Variants in COL1A2 observed in about 807,000 individuals in gnomAD.
The protein encoded by COL1A2 is collagen alpha-2(I) chain.
COL1A2 carries 49 observed loss-of-function variants against 174.3 expected under a neutral mutation model. The ratio of observed to expected loss-of-function variants is 0.28; its 90% CI spans 0.22 to 0.36. The LOEUF (loss-of-function observed/expected upper bound fraction) is 0.36. COL1A2 is among the 10% of genes least tolerant of loss of function. The pLI, the probability that COL1A2 is intolerant of heterozygous loss-of-function variation, is 1.00. For missense variants in COL1A2, 1,438 were observed against 1,822.7 expected (o/e 0.79, Z 3.84); for synonymous variants, 655 against 606.6 (o/e 1.08, Z -1.17).
chr7:94,406,440 C>T, intron 12 of COL1A2, 137 bp downstream of exon 12: 1 of 752,142 alleles, frequency 1.3e-6, no homozygotes, highest in South Asian at 1.6e-5. Context: ...TACTTCAAAT[C>T]CCTCAAGGAT....
At chr7:94,404,470 C>T in intron 6 of COL1A2, 86 bp from the exon 7 acceptor site, 1 of 1,354,714 alleles carries the variant, frequency 7.4e-7, no homozygotes, top group Non-Finnish European at 1.1e-6. Context: ...ACAACAATGG[C>T]ACTGCTAAGT....
intron 10 of COL1A2, 86 bp downstream of exon 10, chr7:94,405,338 A>ATT: frequency 1.6e-6 from 2 of 1,290,004 alleles, no homozygotes; most frequent in Non-Finnish European, 2.2e-6. Context: ...AAATGACAAC[A>ATT]TAGATGTCAC....
At chr7:94,404,364 T>C (rs1047246295) in intron 6 of COL1A2, among the ~76,000 whole-genome samples, 192 bp from the exon 7 acceptor site, 2 of 152,100 alleles carry the variant, frequency 1.3e-5, no homozygotes, top group African/African-American at 4.8e-5. Flanking sequence ...TTGATAAGGA[T>C]TGGGAGAAAA....
chr7:94,413,612 GTAATACCTGAGGCT>G, intron 26 of COL1A2, 64 bp from the exon 27 acceptor site: 6 of 1,372,598 alleles, frequency 4.4e-6, no homozygotes, highest in Non-Finnish European at 6.2e-6. Flanking sequence ...TTTTAAGGAA[GTAATACCTGAGGCT>G]TTGAGACATC....
rs535142482 is a variant in COL1A2, at chr7:94,428,439, C to T, written c.3673C>T (p.His1225Tyr). 1.6e-5 allele frequency: 26 copies of T among 1,614,094 alleles called. 1 individual carries two copies. In the South Asian group the frequency reaches 2.6e-4, roughly 16 times the overall value. ...NWYRSSKDKK[H>Y]VWLGETINAG... The stretch of plus-strand genomic sequence containing the variant: ...GTATAGGAGCTCCAAGGACAAGAAA[C>T]ACGTCTGGCTAGGAGAAACTATCAA... Residue 1225 changes from histidine to tyrosine, a missense_variant, in exon 50 of 52, where the codon CAC (histidine) becomes TAC (tyrosine). Coordinates refer to ENST00000297268, the MANE Select transcript of COL1A2 (RefSeq NM_000089.4).
intron 40 of COL1A2, 38 bp from the exon 41 acceptor site, chr7:94,424,298 G>GGTTA: frequency 6.4e-7 from 1 of 1,557,930 alleles, no homozygotes; most frequent in Non-Finnish European, 8.9e-7. Flanking sequence ...ATCACCTAGG[G>GGTTA]TCTTACCCAT....
intron 30 of COL1A2, 76 bp downstream of exon 30, chr7:94,415,346 C>G: frequency 8.2e-7 from 1 of 1,219,834 alleles, no homozygotes; most frequent in Non-Finnish European, 1.2e-6. Context: ...TCCTTAAAGC[C>G]ACTGATGACC....
intron 36 of COL1A2, 47 bp downstream of exon 36, chr7:94,420,491 G>GGAGTA: frequency 6.2e-7 from 1 of 1,614,026 alleles, no homozygotes; most frequent in Non-Finnish European, 8.5e-7. Context: ...CCTAAGTTGG[G>GGAGTA]GAGTAGAGTG....
rs1725653924 is a variant in COL1A2, at chr7:94,429,374, C to T, written c.3898C>T (p.Leu1300Phe). 1 of 1,613,930 alleles carries T rather than the reference C, an allele frequency of 6.2e-7. No homozygotes were observed. The highest frequency in any genetic ancestry group is 8.5e-7 in the Non-Finnish European group (1 of 1,179,902). ...TCTACAGGGCTCTAATGATGTTGAA[C>T]TTGTTGCTGAGGGCAACAGCAGGTT... ...VILQGSNDVE[L>F]VAEGNSRFTY... The change falls in exon 51 of 52, where the codon CTT becomes TTT. Residue 1300 changes from leucine (L) to phenylalanine (F), a missense_variant. By Grantham distance (22) the Leu-to-Phe change is conservative. Around this residue, in one of 3 missense-constraint regions of COL1A2, gnomAD observed 290 missense variants for 298.1 expected, o/e 0.97. Transcript: ENST00000297268.
rs754801224 is a variant in COL1A2, at chr7:94,419,511, C to T, written c.2039C>T (p.Ala680Val). Residue 680 changes from alanine to valine, a missense_variant, in exon 34 of 52, where the codon GCT becomes GTT. By Grantham distance (64) the Ala-to-Val change is moderately conservative. Around this residue, in one of 3 missense-constraint regions of COL1A2, gnomAD observed 867 missense variants for 1,213.7 expected, o/e 0.71. Coordinates refer to ENST00000297268, the MANE Select transcript of COL1A2 (RefSeq NM_000089.4). ...TTTTGGTACTAGGGTGCTCCTGGTG[C>T]TGTAGGTGCCCCTGGTCCTGCTGGA... is the stretch of plus-strand genomic sequence containing the variant. ...GRDGARGAPG[A>V]VGAPGPAGAT... 1.9e-5 allele frequency: 30 copies of T among 1,614,100 alleles called. 1 individual carries two copies. The South Asian group carries it at 3.1e-4, about 17-fold the overall frequency.
At chr7:94,423,921 C>A in intron 40 of COL1A2, 1 of 242,334 alleles carries the variant, frequency 4.1e-6, no homozygotes, top group Non-Finnish European at 8.1e-6. Context: ...GTGTATATAC[C>A]CAGCAGTGTG....
At chr7:94,398,273 A>C in intron 2 of COL1A2, 109 bp from the exon 3 acceptor site, 1 of 364,270 alleles carries the variant, frequency 2.7e-6, no homozygotes, top group Non-Finnish European at 5.0e-6. Flanking sequence ...TAAATGCATA[A>C]TGTAATGAAT....
At chr7:94,421,759 C>T in intron 38 of COL1A2, 140 bp from the exon 39 acceptor site, 2 of 654,006 alleles carry the variant, frequency 3.1e-6, no homozygotes, top group Non-Finnish European at 5.6e-6. Flanking sequence ...AAATAATGCC[C>T]TATATGAAGC....
At chr7:94,422,226 T>G (rs1035269525) in intron 39 of COL1A2, among the ~76,000 whole-genome samples, 1 of 151,880 alleles carries the variant, frequency 6.6e-6, no homozygotes, top group African/African-American at 2.4e-5. Flanking sequence ...CGAACAGTTT[T>G]AGCCACATAT....
At chr7:94,407,948 A>G in intron 13 of COL1A2, 57 bp downstream of exon 13, 1 of 1,500,096 alleles carries the variant, frequency 6.7e-7, no homozygotes, top group South Asian at 1.1e-5. Flanking sequence ...ATGAGATGGA[A>G]CTTCTTTAAT....
intron 41 of COL1A2, 87 bp downstream of exon 41, chr7:94,424,530 A>G: frequency 8.4e-7 from 1 of 1,189,990 alleles, no homozygotes; most frequent in Non-Finnish European, 1.3e-6. Flanking sequence ...TGATCACTGA[A>G]TAACTTCACT....
intron 6 of COL1A2, among the ~76,000 whole-genome samples, chr7:94,402,008 T>A (rs1315368180): frequency 6.6e-6 from 1 of 152,152 alleles, no homozygotes; most frequent in East Asian, 1.9e-4. Flanking sequence ...TAAGCAACAC[T>A]TAGAGGCATA....
Position 94,394,935 on chromosome 7 carries a change from C to T in COL1A2, c.-97C>T. On this transcript the variant is annotated 5_prime_UTR_variant, in exon 1 of 52. Transcript: ENST00000297268. Reference sequence around the variant, plus strand: ...GGAGGTTTCGGCTAAGTTGGAGGTACTGGCCACGACTGCATGCCCGCGCCC... The same window carrying T: ...GGAGGTTTCGGCTAAGTTGGAGGTATTGGCCACGACTGCATGCCCGCGCCC... 1.0e-6 allele frequency: 1 copy of T among 955,946 alleles called. No individual in the cohort carries two copies. The highest frequency in any genetic ancestry group is 1.7e-6 in the Non-Finnish European group (1 of 582,492). 59.2% of individuals were successfully genotyped at this position (955,946 alleles called of 1,614,324 possible). A position where few individuals can be genotyped will look rare whatever the true frequency, so the allele number is the denominator to read the frequency against.
chr7:94,425,952 G>A (rs761910618), intron 44 of COL1A2, 46 bp from the exon 45 acceptor site: 2 of 1,608,374 alleles, frequency 1.2e-6, no homozygotes, highest in South Asian at 1.1e-5. Context: ...GTGGGGAGGG[G>A]TATCTTGGGC....
Sources: allele counts gnomAD v4.1 joint callset (sites outside exome capture counted in the v4.1 genomes callset), GRCh38; gene constraint gnomAD v4.1.1; regional missense constraint gnomAD v4.1.1; transcripts MANE v1.5; gene names NCBI Gene and HGNC (gene_info 2026-07-23, HGNC 2026-07-21).